FRMD5: variants seen among roughly 807,000 people sequenced by gnomAD.
The protein encoded by FRMD5 is FERM domain containing 5.
Under a neutral mutation model 69.0 loss-of-function variants are expected in FRMD5, and 20 were observed. That is an observed-to-expected ratio of 0.29 (90% CI 0.20 to 0.42). FRMD5 has a LOEUF of 0.42. Ranked by LOEUF, FRMD5 falls within the 10% of genes least tolerant of loss-of-function variation. The pLI is 1.00. For missense variants in FRMD5, 595 were observed against 708.6 expected (o/e 0.84, Z 1.82); for synonymous variants, 271 against 260.1 (o/e 1.04, Z -0.40).
intron 1 of FRMD5, among the ~76,000 whole-genome samples, chr15:43,955,258 T>C (rs974024591): frequency 1.3e-5 from 2 of 152,160 alleles, no homozygotes; most frequent in Non-Finnish European, 2.9e-5. Context: ...CCCAACATGG[T>C]ACCCAAAGAG....
At chr15:44,124,283 G>A (rs931990209) in intron 1 of FRMD5, among the ~76,000 whole-genome samples, 5 of 151,422 alleles carry the variant, frequency 3.3e-5, no homozygotes, top group Admixed American at 1.3e-4. Flanking sequence ...GTGAGCCACC[G>A]TGCCCATATC....
intron 1 of FRMD5, among the ~76,000 whole-genome samples, chr15:43,967,707 A>G (rs954347303): frequency 6.6e-6 from 1 of 152,072 alleles, no homozygotes; most frequent in African/African-American, 2.4e-5. Flanking sequence ...TTCTGATTCT[A>G]TATTTCATGC....
At chr15:44,196,439 TG>T (rs1403047018), upstream of FRMD5, among the ~76,000 whole-genome samples, 1 of 151,356 alleles carries the variant, frequency 6.6e-6, no homozygotes, top group African/African-American at 2.4e-5. Context: ...CACTCCAGCC[TG>T]GGGGACAAGA....
At chr15:43,973,940 G>C (rs1229939094) in intron 1 of FRMD5, among the ~76,000 whole-genome samples, 1 of 150,832 alleles carries the variant, frequency 6.6e-6, no homozygotes, top group Non-Finnish European at 1.5e-5. Context: ...CAGGATTTAG[G>C]CCTAGTAAAT....
intron 1 of FRMD5, among the ~76,000 whole-genome samples, chr15:43,928,561 T>C (rs2089624582): frequency 6.6e-6 from 1 of 152,180 alleles, no homozygotes; most frequent in Admixed American, 6.5e-5. Context: ...ATTTTAGGAA[T>C]TTTACAACTT....
intron 1 of FRMD5, among the ~76,000 whole-genome samples, chr15:43,924,514 C>T (rs1289418734): frequency 1.3e-5 from 2 of 152,170 alleles, no homozygotes; most frequent in African/African-American, 4.8e-5. Context: ...AGCCCAAGAA[C>T]CCTTCCCACC....
At chr15:43,928,028 A>G (rs1309548078) in intron 1 of FRMD5, among the ~76,000 whole-genome samples, 1 of 152,218 alleles carries the variant, frequency 6.6e-6, no homozygotes, top group Non-Finnish European at 1.5e-5. Flanking sequence ...TCCACTTCAC[A>G]GGAAGAAAAA....
At position 44,041,382 on chromosome 15, in the gene FRMD5, T is replaced by C. The variant is rs376099923; in HGVS notation, c.103-117073A>G. 1.6e-4 allele frequency among the ~76,000 whole-genome samples: 25 copies of C among 152,080 alleles called. No homozygotes were observed. In the East Asian group the frequency reaches 2.5e-3, roughly 15 times the overall value. ...AACTCTCTACCCCAAATCAACAGAA[T>C]ATACATTCTGCTCAGCACCACATTG... On this transcript the variant is annotated intron_variant, in intron 1 of 13. Coordinates refer to ENST00000417257, the MANE Select transcript of FRMD5 (RefSeq NM_032892.5).
chr15:44,164,382 A>T (rs2077674057), intron 1 of FRMD5, among the ~76,000 whole-genome samples: 2 of 149,188 alleles, frequency 1.3e-5, no homozygotes, highest in African/African-American at 2.5e-5. Flanking sequence ...ATTATTGGTC[A>T]TTTTTTTTTT....
chr15:43,885,124 C>T (rs1364329444), intron 11 of FRMD5: 1 of 267,666 alleles, frequency 3.7e-6, no homozygotes, highest in Non-Finnish European at 7.1e-6. Flanking sequence ...ACATGAATCA[C>T]TGTTATAGTT....
At chr15:44,066,420 T>C (rs1208606951) in intron 1 of FRMD5, among the ~76,000 whole-genome samples, 2 of 152,070 alleles carry the variant, frequency 1.3e-5, no homozygotes, top group African/African-American at 4.8e-5. Flanking sequence ...GAGCGCCCTC[T>C]GGTGGAAGGG....
At chr15:43,988,252 C>G (rs1889493240) in intron 1 of FRMD5, among the ~76,000 whole-genome samples, 1 of 152,104 alleles carries the variant, frequency 6.6e-6, no homozygotes, top group African/African-American at 2.4e-5. Context: ...CCACAACATT[C>G]CCTTAAGCCA....
chr15:44,185,654 G>A (rs367767245), intron 1 of FRMD5, among the ~76,000 whole-genome samples: 5 of 152,074 alleles, frequency 3.3e-5, no homozygotes, highest in South Asian at 2.1e-4. Context: ...TTAGCTGAGC[G>A]TGGTGGTGCA....
At chr15:44,180,554 A>G (rs1420920718) in intron 1 of FRMD5, among the ~76,000 whole-genome samples, 1 of 152,128 alleles carries the variant, frequency 6.6e-6, no homozygotes, top group African/African-American at 2.4e-5. Context: ...GGAGGCCAAC[A>G]TGGGCGGATC....
intron 1 of FRMD5, among the ~76,000 whole-genome samples, chr15:44,125,101 A>T (rs140535265): frequency 2.6e-4 from 40 of 152,344 alleles, no homozygotes; most frequent in Non-Finnish European, 5.0e-4. Flanking sequence ...GTTGTCAATA[A>T]GAATGTTGTG....
intron 1 of FRMD5, among the ~76,000 whole-genome samples, chr15:43,994,096 T>C (rs1034075218): frequency 1.3e-5 from 2 of 152,210 alleles, no homozygotes; most frequent in Non-Finnish European, 2.9e-5. Context: ...TATTGATAGG[T>C]AGGGACTTAC....
chr15:44,095,816 C>T (rs2076543179), intron 1 of FRMD5, among the ~76,000 whole-genome samples: 1 of 152,186 alleles, frequency 6.6e-6, no homozygotes, highest in East Asian at 1.9e-4. Flanking sequence ...CAACTGTATG[C>T]TGCACTCAAA....
At chr15:43,941,795 A>G (rs1595541702) in intron 1 of FRMD5, among the ~76,000 whole-genome samples, 2 of 152,264 alleles carry the variant, frequency 1.3e-5, no homozygotes, top group South Asian at 4.2e-4. Context: ...GCACCTAAAC[A>G]CTAACTTTGA....
At position 44,081,196 on chromosome 15, in the gene FRMD5, A is replaced by C. The variant is rs74457916; in HGVS notation, c.102+113757T>G. Reference sequence around the variant, plus strand: ...GGCTGCTTTGCCTCATTTCTAAAAAAAATTCATTACACTCCATAGCCCTTC... The same window carrying C: ...GGCTGCTTTGCCTCATTTCTAAAAACAATTCATTACACTCCATAGCCCTTC... On this transcript the variant is annotated intron_variant, in intron 1 of 13. Coordinates refer to ENST00000417257, the MANE Select transcript of FRMD5 (RefSeq NM_032892.5). 5.6e-3 allele frequency among the ~76,000 whole-genome samples: 847 copies of C among 152,224 alleles called. 8 individuals carry two copies. Among genetic ancestry groups the C allele is most frequent in the East Asian group, 0.033 (172 of 5,176 alleles).
Sources: allele counts gnomAD v4.1 joint callset (sites outside exome capture counted in the v4.1 genomes callset), GRCh38; gene constraint gnomAD v4.1.1; transcripts MANE v1.5; gene names NCBI Gene and HGNC (gene_info 2026-07-23, HGNC 2026-07-21).